The following SATB1 variants were observed in gnomAD, a reference collection of about 807,000 sequenced individuals.
SATB1 encodes DNA-binding protein SATB1.
A neutral mutation model predicts 86.9 loss-of-function variants in SATB1; 11 were observed. That is an observed-to-expected ratio of 0.13 (90% confidence interval 0.08 to 0.21). The LOEUF (loss-of-function observed/expected upper bound fraction) is 0.21, where lower values mean the gene tolerates loss of function less well. SATB1 is among the 10% of genes least tolerant of loss of function. The pLI is 1.00. For missense variants in SATB1, 551 were observed against 937.6 expected, an observed-to-expected ratio of 0.59 and a Z score of 5.39; for synonymous variants, 357 against 357.2, an observed-to-expected ratio of 1.00 and a Z score of 0.01.
chr3:18,409,919 A>C (rs1277964234), intron 5 of SATB1, among the ~76,000 whole-genome samples: 1 of 152,058 alleles, frequency 6.6e-6, no homozygotes, highest in Admixed American at 6.6e-5. Context: ...TCATCTGCCC[A>C]CTATTTCTAA....
chr3:18,393,387 C>T (rs1053665695), intron 7 of SATB1, among the ~76,000 whole-genome samples: 1 of 152,066 alleles, frequency 6.6e-6, no homozygotes, highest in African/African-American at 2.4e-5. Context: ...CAAAAATAAA[C>T]ACCATATATA....
chr3:18,405,351 T>C (rs1339454700), intron 5 of SATB1, among the ~76,000 whole-genome samples: 6 of 151,944 alleles, frequency 3.9e-5, no homozygotes, highest in Admixed American at 3.9e-4. Context: ...CAATTTCTAG[T>C]ATCTGGAAAG....
chr3:18,425,842 C>G (rs1356723159), upstream of SATB1, among the ~76,000 whole-genome samples: 1 of 48,830 alleles, frequency 2.0e-5, no homozygotes, highest in Non-Finnish European at 3.7e-5. Context: ...ACGGGCAGGA[C>G]GGGCACGGGG....
Position 18,445,268 on chromosome 3 carries a change from C to CCCGAG in SATB1, c.-25+245_-25+249dup, listed in dbSNP as rs997689695. ...GCTGGCGACACTAGGCGCACTGAAGCCCGAGCCGAGCCGAGCCCGAGCCGC... is the reference window on the plus strand; with the variant it reads ...GCTGGCGACACTAGGCGCACTGAAGCCCGAGCCGAGCCGAGCCGAGCCCGAGCCGC... On this transcript the variant is annotated intron_variant, in intron 1 of 3. Coordinates refer to the SATB1 transcript ENST00000415069. 4.1e-3 allele frequency: 4,075 copies of CCCGAG among 983,754 alleles called. 16 individuals carry two copies. The highest frequency in any genetic ancestry group is 4.4e-3 in the Non-Finnish European group (3,674 of 829,798). The allele number at this position is 983,754 out of a possible 1,614,324, so 60.9% of individuals were successfully genotyped here. A position where few individuals can be genotyped will look rare whatever the true frequency, so the allele number is the denominator to read the frequency against.
Position 18,394,347 on chromosome 3 carries a change from GAA to G in SATB1, c.1206+113_1206+114del. The G allele has an allele frequency of 1.2e-6, 1 of 866,568 alleles. No individual in the cohort carries two copies. Among genetic ancestry groups the G allele is most frequent in the Non-Finnish European group, 1.8e-6 (1 of 546,206 alleles). The allele number at this position is 866,568 out of a possible 1,614,324, so 53.7% of individuals were successfully genotyped here. A position where few individuals can be genotyped will look rare whatever the true frequency, so the allele number is the denominator to read the frequency against. On this transcript the variant is annotated intron_variant, in intron 7 of 10. Transcript: ENST00000338745. This position sits in a 1 kb window ranked among gnomAD's most constrained non-coding sequence, Gnocchi z 5.9. The stretch of plus-strand genomic sequence containing the variant: ...CCAGGAATAGGTAATATGATCACAT[GAA>G]GAGAGAGAGAAAATGTTAGTACAGA...
Position 18,424,014 on chromosome 3 carries a change from C to G in SATB1, c.-412G>C, listed in dbSNP as rs1332202546. The G allele has an allele frequency of 6.6e-6, 1 of 151,928 alleles. No individual in the cohort carries two copies. The highest frequency in any genetic ancestry group is 1.5e-5 in the Non-Finnish European group (1 of 68,100). The allele number at this position is 151,928 out of a possible 1,614,324, so 9.4% of individuals were successfully genotyped here. ...GGAGGAGGAAGAAGATAAAATTGAT[C>G]TGACAAGTGATTCGTTGGGGGGAAA... On this transcript the variant is annotated 5_prime_UTR_variant, in exon 1 of 11. Coordinates refer to ENST00000338745, the MANE Select transcript of SATB1 (RefSeq NM_002971.6).
chr3:18,349,819 T>TTTCAAAGACATTTCAGAA lies in SATB1; in HGVS notation c.1780-138_1780-137insTTCTGAAATGTCTTTGAA. On this transcript the variant is annotated intron_variant, in intron 10 of 10. Transcript: ENST00000338745. The surrounding 1 kb of genome is among the most constrained non-coding windows in gnomAD (Gnocchi z 5.5). ...GGGATGAAGATTTAGAAAGAAAAGG[T>TTTCAAAGACATTTCAGAA]AGGCCGGCGAAATGGCCGACAGCAT... 1 of 1,404,974 alleles carries TTTCAAAGACATTTCAGAA rather than the reference T, an allele frequency of 7.1e-7. No homozygotes were observed. Among genetic ancestry groups the TTTCAAAGACATTTCAGAA allele is most frequent in the Non-Finnish European group, 9.3e-7 (1 of 1,074,748 alleles). 87.0% of individuals were successfully genotyped at this position (1,404,974 alleles called of 1,614,324 possible). A position where few individuals can be genotyped will look rare whatever the true frequency, so the allele number is the denominator to read the frequency against.
At chr3:18,445,132 G>A (rs1293060780) in intron 1 of SATB1, 8 of 809,576 alleles carry the variant, frequency 9.9e-6, no homozygotes, top group South Asian at 1.1e-4. Context: ...CCGCGTAGCC[G>A]CCGCTTCGGA....
At chr3:18,393,601 A>C (rs958308688) in intron 7 of SATB1, among the ~76,000 whole-genome samples, 12 of 152,160 alleles carry the variant, frequency 7.9e-5, no homozygotes, top group Admixed American at 7.9e-4. Flanking sequence ...AAAGGTGTGC[A>C]CATTAGGGGT....
In SATB1 at chr3:18,394,754, G is replaced by T. The variant is rs1696873843; in HGVS notation, c.914C>A (p.Pro305His). ...SVRTPLPNLHPGLVSTPISPQ... is the reference protein window; with the variant it reads ...SVRTPLPNLHHGLVSTPISPQ... ...ACTGATAGGTGTTGATACGAGCCCAGGGTGCAGGTTTGGAAGAGGTGTCCG... is the reference window on the plus strand; with the variant it reads ...ACTGATAGGTGTTGATACGAGCCCATGGTGCAGGTTTGGAAGAGGTGTCCG... Residue 305 changes from proline to histidine, a missense_variant, in exon 7 of 11, where the codon CCT becomes CAT. Pro to His is a moderately conservative substitution (Grantham distance 77, BLOSUM62 -2). Coordinates refer to ENST00000338745, the MANE Select transcript of SATB1 (RefSeq NM_002971.6). The surrounding 1 kb of genome is among the most constrained non-coding windows in gnomAD (Gnocchi z 5.9). 2 of 1,614,162 alleles carry T rather than the reference G, an allele frequency of 1.2e-6. No individual in the cohort carries two copies. The highest frequency in any genetic ancestry group is 8.5e-7 in the Non-Finnish European group (1 of 1,180,032).
In SATB1 at chr3:18,362,669, A is replaced by T. The variant is rs116060171; in HGVS notation, c.1576-10474T>A. On this transcript the variant is annotated intron_variant, in intron 9 of 10. Coordinates refer to ENST00000338745, the MANE Select transcript of SATB1 (RefSeq NM_002971.6). ...TTATTTTCTTTAAAAAGAAGAATTT[A>T]TGCTAGGAAACTTTACTTTTCCTAA... Among the ~76,000 whole-genome samples the T allele has an allele frequency of 4.3e-3, 656 of 152,168 alleles. 7 individuals carry two copies. The highest frequency in any genetic ancestry group is 0.015 in the African/African-American group (604 of 41,556).
intron 5 of SATB1, among the ~76,000 whole-genome samples, chr3:18,400,637 T>A (rs1304550723): frequency 6.6e-6 from 1 of 152,204 alleles, no homozygotes; most frequent in Non-Finnish European, 1.5e-5. Flanking sequence ...ATAATAGATG[T>A]GATACAATTA....
intron 7 of SATB1, among the ~76,000 whole-genome samples, chr3:18,387,602 G>A (rs547826409): frequency 6.6e-6 from 1 of 152,242 alleles, no homozygotes; most frequent in African/African-American, 2.4e-5. Context: ...AAAATTTTCT[G>A]TTCATTTTAT....
intron 9 of SATB1, among the ~76,000 whole-genome samples, chr3:18,371,725 GA>G (rs543352967): frequency 3.6e-4 from 54 of 151,988 alleles, no homozygotes; most frequent in African/African-American, 1.2e-3. Flanking sequence ...CTCATGTGAG[GA>G]AAAAAGAAGA....
intron 8 of SATB1, among the ~76,000 whole-genome samples, chr3:18,383,381 T>C (rs1310564741): frequency 6.6e-6 from 1 of 152,202 alleles, no homozygotes; most frequent in African/African-American, 2.4e-5. Flanking sequence ...CTTCTGCATG[T>C]TTTACACTCT....
chr3:18,442,168 TC>T (rs892407443), upstream of SATB1, among the ~76,000 whole-genome samples: 21 of 151,890 alleles, frequency 1.4e-4, no homozygotes, highest in Non-Finnish European at 3.1e-4. Flanking sequence ...TTCTCTATCT[TC>T]CCCCCGCCCC....
At chr3:18,373,685 T>C (rs1695586782) in intron 9 of SATB1, among the ~76,000 whole-genome samples, 1 of 152,164 alleles carries the variant, frequency 6.6e-6, no homozygotes, top group Non-Finnish European at 1.5e-5. Context: ...TTTTCTCTCT[T>C]TCATCCTTGT....
chr3:18,351,603 A>T, intron 10 of SATB1: 1 of 560,558 alleles, frequency 1.8e-6, no homozygotes, highest in Non-Finnish European at 3.2e-6. Flanking sequence ...CTTTACAGCA[A>T]CAGCGGTTGC....
intron 6 of SATB1, 27 bp downstream of exon 6, chr3:18,397,152 C>T (rs1697005512): frequency 8.2e-7 from 1 of 1,216,798 alleles, no homozygotes; most frequent in African/African-American, 1.5e-5. Flanking sequence ...GGTATGTAGC[C>T]ACTGCTGCAA....
Sources: gnomAD v4.1 joint callset for allele counts (sites outside exome capture counted in the v4.1 genomes callset) on GRCh38, gnomAD v4.1.1 for gene constraint, Gnocchi (gnomAD v3.1) non-coding constraint, MANE v1.5 for transcripts, NCBI Gene and HGNC (gene_info 2026-07-23, HGNC 2026-07-21) for gene names.